Variants in CAPN1 observed in about 807,000 individuals in gnomAD.
The protein encoded by CAPN1 is calpain 1, also known as calpain-1 catalytic subunit.
Under a neutral mutation model 105.2 loss-of-function variants are expected in CAPN1, and 77 were observed. The ratio of observed to expected loss-of-function variants is 0.73; its 90% CI spans 0.61 to 0.88. The LOEUF (loss-of-function observed/expected upper bound fraction) is 0.88, where lower values mean the gene tolerates loss of function less well. Among genes scored for constraint, CAPN1 ranks in the 40% least tolerant of loss-of-function variants. The pLI is 0.00. For synonymous variants in CAPN1, 355 were observed against 388.8 expected (o/e 0.91, Z 1.02); for missense variants, 833 against 976.6 (o/e 0.85, Z 1.96).
In CAPN1 at chr11:65,209,926, T is replaced by C. The variant is rs1450415854; in HGVS notation, c.1863+9T>C. The C allele has an allele frequency of 2.5e-6, 4 of 1,613,364 alleles. No individual in the cohort carries two copies. Among genetic ancestry groups the C allele is most frequent in the Non-Finnish European group, 3.4e-6 (4 of 1,179,780 alleles). On this transcript the variant is annotated intron_variant, in intron 18 of 21. Transcript: ENST00000279247. This position sits in a 1 kb window ranked among gnomAD's most constrained non-coding sequence, Gnocchi z 4.1. ...GCATCCGGAATTACCTGGTAGGTTG[T>C]CCCCACTCACCTCAGTCATGCAGGT...
intron 4 of CAPN1, among the ~76,000 whole-genome samples, chr11:65,184,869 C>T (rs1948609629): frequency 6.6e-6 from 1 of 152,078 alleles, no homozygotes; most frequent in Non-Finnish European, 1.5e-5. Context: ...TTAAGTCTTC[C>T]GTGAAGAAGG....
intron 12 of CAPN1, 135 bp from the exon 13 acceptor site, chr11:65,206,327 AG>A: frequency 1.5e-6 from 1 of 671,608 alleles, no homozygotes; most frequent in Non-Finnish European, 2.6e-6. Flanking sequence ...AGGGTCACAC[AG>A]GCTGTGAGTG....
At chr11:65,183,872 C>T (rs1948591420) in intron 4 of CAPN1, among the ~76,000 whole-genome samples, 2 of 152,152 alleles carry the variant, frequency 1.3e-5, no homozygotes, top group South Asian at 4.1e-4. Context: ...AATTCCACTC[C>T]TCCCGGAGGT....
rs186958266 is a variant in CAPN1 at position 65,187,861 on chromosome 11, C to T, written c.844-94C>T. On this transcript the variant is annotated intron_variant, in intron 7 of 21. Transcript: ENST00000279247. The stretch of plus-strand genomic sequence containing the variant: ...GAGCTGAGATCGCACCACTGCACTC[C>T]AGCCTGGGTGACAGAGCAAGACTCT... 1,497 of 872,920 alleles carry T rather than the reference C, an allele frequency of 1.7e-3. 16 individuals carry two copies. The African/African-American group carries it at 0.021, about 12-fold the overall frequency. The allele number at this position is 872,920 out of a possible 1,614,324, so 54.1% of individuals were successfully genotyped here. A position where few individuals can be genotyped will look rare whatever the true frequency, so the allele number is the denominator to read the frequency against.
Position 65,209,225 on chromosome 11 carries a change from A to G in CAPN1, c.1730-98A>G, listed in dbSNP as rs1949006938. ...CCAGATATTGCACCCACTCGTCAGG[A>G]TTTGTGCGTCCTTGACTCTGCCCCA... On this transcript the variant is annotated intron_variant, in intron 16 of 21. Coordinates refer to ENST00000279247, the MANE Select transcript of CAPN1 (RefSeq NM_005186.4). This position sits in a 1 kb window ranked among gnomAD's most constrained non-coding sequence, Gnocchi z 4.1. The G allele has an allele frequency of 1.1e-6, 1 of 881,878 alleles. No individual in the cohort carries two copies. Among genetic ancestry groups the G allele is most frequent in the African/African-American group, 1.6e-5 (1 of 60,616 alleles). 54.6% of individuals were successfully genotyped at this position (881,878 alleles called of 1,614,324 possible). A position where few individuals can be genotyped will look rare whatever the true frequency, so the allele number is the denominator to read the frequency against.
rs779471609 is a variant in CAPN1 at position 65,183,509 on chromosome 11, ACT to A, written c.377_378del (p.Leu126GlnfsTer40). The A allele has an allele frequency of 6.2e-7, 1 of 1,613,080 alleles. No homozygotes were observed. The highest frequency in any genetic ancestry group is 1.7e-5 in the Admixed American group (1 of 59,954). On this transcript the variant is annotated frameshift_variant, in exon 4 of 22. Coordinates refer to ENST00000279247, the MANE Select transcript of CAPN1 (RefSeq NM_005186.4). LOFTEE classifies it high-confidence loss of function. ...GCTCTTGGCGGCCATCGCCTCCCTC[ACT>A]CTCAACGACACCCTCCTGCACCGAG... Reference protein sequence around the residue: ...CWLLAAIASLTLNDTLLHRVV... With the variant: ...CWLLAAIASLXLNDTLLHRVV...
Position 65,210,497 on chromosome 11 carries a change from C to A in CAPN1, c.2059+45C>A. The stretch of plus-strand genomic sequence containing the variant: ...TCCCACCCTCCAGCTCCGTCCCAAA[C>A]GCGTCCCCCAGGAGCTGGGGGGAAT... On this transcript the variant is annotated intron_variant, in intron 20 of 21. Coordinates refer to ENST00000279247, the MANE Select transcript of CAPN1 (RefSeq NM_005186.4). The surrounding 1 kb of genome is among the most constrained non-coding windows in gnomAD (Gnocchi z 4.3). 8.5e-7 allele frequency: 1 copy of A among 1,174,988 alleles called. No homozygotes were observed. Among genetic ancestry groups the A allele is most frequent in the Non-Finnish European group, 1.3e-6 (1 of 792,290 alleles). 72.8% of individuals were successfully genotyped at this position (1,174,988 alleles called of 1,614,324 possible).
Position 65,182,901 on chromosome 11 carries a change from G to T in CAPN1, c.200G>T (p.Ser67Ile), listed in dbSNP as rs765955979. 41 of 1,609,198 alleles carry T rather than the reference G, an allele frequency of 2.5e-5. No homozygotes were observed. Among genetic ancestry groups the T allele is most frequent in the Non-Finnish European group, 5.1e-6 (6 of 1,177,894 alleles). The change falls in exon 2 of 22, where the codon AGC (serine) becomes ATC (isoleucine). Residue 67 changes from serine to isoleucine, a missense_variant. Coordinates refer to ENST00000279247, the MANE Select transcript of CAPN1 (RefSeq NM_005186.4). ...GAGGCCTTCCCCCCGGTACCCCAGAGCCTGGGTTACAAGGACCTGGGTCCC... is the reference window on the plus strand; with the variant it reads ...GAGGCCTTCCCCCCGGTACCCCAGATCCTGGGTTACAAGGACCTGGGTCCC... ...RDEAFPPVPQ[S>I]LGYKDLGPNS...
chr11:65,210,377 C>A lies in CAPN1; in HGVS notation c.1984C>A (p.Arg662Ser), dbSNP rs759767072. The A allele has an allele frequency of 5.0e-6, 8 of 1,613,250 alleles. No homozygotes were observed. In the African/African-American group the frequency reaches 1.1e-4, roughly 22 times the overall value. ...NKKLYELIIT[R>S]YSEPDLAVDF... Reference sequence around the variant, plus strand: ...GAAGCTGTACGAGCTCATCATCACCCGCTACTCGGAGCCCGACCTGGCGGT... The same window carrying A: ...GAAGCTGTACGAGCTCATCATCACCAGCTACTCGGAGCCCGACCTGGCGGT... The change falls in exon 20 of 22, where the codon CGC (arginine) becomes AGC (serine). Residue 662 changes from arginine to serine, a missense_variant. Physicochemically the swap from Arg to Ser is moderately radical, Grantham distance 110. Coordinates refer to ENST00000279247, the MANE Select transcript of CAPN1 (RefSeq NM_005186.4). The surrounding 1 kb of genome is among the most constrained non-coding windows in gnomAD (Gnocchi z 4.3).
At position 65,186,060 on chromosome 11, in the gene CAPN1, G is replaced by A. The variant is rs758199305; in HGVS notation, c.590+10G>A. 3.7e-6 allele frequency: 6 copies of A among 1,610,432 alleles called. No homozygotes were observed. The highest frequency in any genetic ancestry group is 2.2e-5 in the East Asian group (1 of 44,764). On this transcript the variant is annotated intron_variant, in intron 5 of 21. Transcript: ENST00000279247. ...AGAAGGCCTATGCCAAGTGAGTAGC[G>A]GCTGAGGGGGCAACTCCAGCTTCCA...
intron 10 of CAPN1, among the ~76,000 whole-genome samples, chr11:65,198,183 C>T (rs1326357063): frequency 1.3e-5 from 2 of 151,714 alleles, no homozygotes. Context: ...CTCTGTCACC[C>T]AGGCTGGAGT....
chr11:65,192,546 AAGTT>A (rs1475103312), intron 10 of CAPN1, among the ~76,000 whole-genome samples: 1 of 152,148 alleles, frequency 6.6e-6, no homozygotes, highest in Non-Finnish European at 1.5e-5. Context: ...TCAGTATTGA[AAGTT>A]AAAGGTTATA....
intron 10 of CAPN1, among the ~76,000 whole-genome samples, chr11:65,200,167 A>G (rs1056532365): frequency 5.9e-5 from 9 of 151,944 alleles, no homozygotes; most frequent in Non-Finnish European, 1.3e-4. Flanking sequence ...CTTCCACCTC[A>G]GCCTTCCCAG....
rs17583 is a variant in CAPN1, at chr11:65,183,499, C to T, written c.363C>T (p.Ile121=). 0.28 allele frequency: 452,088 copies of T among 1,611,952 alleles called. 65,998 individuals are homozygous for T. Among genetic ancestry groups the T allele is most frequent in the Admixed American group, 0.39 (23,642 of 59,992 alleles). The change falls in exon 4 of 22, where the codon ATC becomes ATT. Residue 121 remains isoleucine (I), a synonymous_variant. Coordinates refer to ENST00000279247, the MANE Select transcript of CAPN1 (RefSeq NM_005186.4). ...ALGDCWLLAA[I]ASLTLNDTLL... ...GGGACTGCTGGCTCTTGGCGGCCATCGCCTCCCTCACTCTCAACGACACCC... is the reference window on the plus strand; with the variant it reads ...GGGACTGCTGGCTCTTGGCGGCCATTGCCTCCCTCACTCTCAACGACACCC...
Position 65,183,192 on chromosome 11 carries a change from C to A in CAPN1, c.332C>A (p.Ala111Glu). The A allele has an allele frequency of 1.2e-6, 2 of 1,613,882 alleles. No homozygotes were observed. The highest frequency in any genetic ancestry group is 1.7e-6 in the Non-Finnish European group (2 of 1,179,782). ...ACCCGCACAGACATCTGCCAGGGAG[C>A]ACTGGGTAGGCCCCCAGGGCGTCGG... ...GATRTDICQG[A>E]LGDCWLLAAI... Residue 111 changes from alanine to glutamate, a missense_variant, in exon 3 of 22, where the codon GCA becomes GAA. Coordinates refer to ENST00000279247, the MANE Select transcript of CAPN1 (RefSeq NM_005186.4).
chr11:65,210,873 G>A lies in CAPN1; in HGVS notation c.2118+1G>A, dbSNP rs1949038334. The A allele has an allele frequency of 6.2e-7, 1 of 1,612,256 alleles. No homozygotes were observed. Among genetic ancestry groups the A allele is most frequent in the Non-Finnish European group, 8.5e-7 (1 of 1,178,426 alleles). On this transcript the variant is annotated splice_donor_variant, in intron 21 of 21. Coordinates refer to ENST00000279247, the MANE Select transcript of CAPN1 (RefSeq NM_005186.4). LOFTEE classifies it high-confidence loss of function. The surrounding 1 kb of genome is among the most constrained non-coding windows in gnomAD (Gnocchi z 4.3). The stretch of plus-strand genomic sequence containing the variant: ...AGTTGTGACCTTTGACTTGTTTAAG[G>A]TGGGAACCTCCCTGGGCCCATGGTT...
chr11:65,194,770 A>T (rs545025089), intron 10 of CAPN1, among the ~76,000 whole-genome samples: 1 of 152,164 alleles, frequency 6.6e-6, no homozygotes, highest in East Asian at 1.9e-4. Context: ...TGATTCATTC[A>T]TCAGTTGATG....
intron 1 of CAPN1, 79 bp from the exon 2 acceptor site, chr11:65,182,622 A>G (rs1164619980): frequency 1.4e-6 from 2 of 1,406,566 alleles, no homozygotes; most frequent in African/African-American, 1.4e-5. Context: ...CAGGGGCAGG[A>G]GAGCAGAGCT....
intron 14 of CAPN1, among the ~76,000 whole-genome samples, chr11:65,207,199 C>CTTTTTT (rs34786351): frequency 8.8e-6 from 1 of 113,358 alleles, no homozygotes. Context: ...AAACTCTTGC[C>CTTTTTT]TTTTTTTTTT....
Sources: allele counts gnomAD v4.1 joint callset (sites outside exome capture counted in the v4.1 genomes callset), GRCh38; gene constraint gnomAD v4.1.1; non-coding constraint Gnocchi (gnomAD v3.1); transcripts MANE v1.5; gene names NCBI Gene and HGNC (gene_info 2026-07-23, HGNC 2026-07-21).